ATG14: variants seen among roughly 807,000 people sequenced by gnomAD.
ATG14 encodes beclin 1-associated autophagy-related key regulator.
A neutral mutation model predicts 60.4 loss-of-function variants in ATG14; 35 were observed. The observed-to-expected ratio is 0.58, with a 90% CI of 0.44 to 0.77. ATG14 has a LOEUF of 0.77. Among genes scored for constraint, ATG14 ranks in the 30% least tolerant of loss-of-function variants. ATG14 has a pLI of 0.00. For synonymous variants in ATG14, 234 were observed against 228.8 expected (o/e 1.02, Z -0.21); for missense variants, 647 against 626.3 (o/e 1.03, Z -0.35).
rs1050632837 is a variant in ATG14, at chr14:55,400,766, T to C, written c.222-3332A>G. On this transcript the variant is annotated intron_variant, in intron 1 of 9. Coordinates refer to ENST00000247178, the MANE Select transcript of ATG14 (RefSeq NM_014924.5). ...AAAAATACAAAAAATTAGCCAGGTGTGGTGGCGGGCACCTGTAATCCCAGC... is the reference window on the plus strand; with the variant it reads ...AAAAATACAAAAAATTAGCCAGGTGCGGTGGCGGGCACCTGTAATCCCAGC... Among the ~76,000 whole-genome samples the C allele has an allele frequency of 1.3e-5, 2 of 152,014 alleles. 1 individual carries two copies. The highest frequency in any genetic ancestry group is 4.8e-5 in the African/African-American group (2 of 41,370).
chr14:55,394,846 G>A (rs1885286172), intron 3 of ATG14: 3 of 322,690 alleles, frequency 9.3e-6, no homozygotes, highest in South Asian at 8.1e-5. Context: ...ACTACGGAAT[G>A]CTAAGCTGAC....
At chr14:55,397,471 C>A (rs1284516516) in intron 1 of ATG14, 37 bp from the exon 2 acceptor site, 3 of 1,528,928 alleles carry the variant, frequency 2.0e-6, no homozygotes, top group South Asian at 2.3e-5. Flanking sequence ...TTTAAATGGT[C>A]ATTTTTTCAG....
At chr14:55,378,906 C>T (rs1186922420) in intron 7 of ATG14, among the ~76,000 whole-genome samples, 3 of 151,978 alleles carry the variant, frequency 2.0e-5, no homozygotes, top group East Asian at 3.9e-4. Flanking sequence ...CAAGGTCTCA[C>T]TATGTTTCCC....
In ATG14 at chr14:55,367,040, T is replaced by C. The variant is rs540409631; in HGVS notation, c.*2579A>G. 22 of 152,760 alleles carry C rather than the reference T, an allele frequency of 1.4e-4. No homozygotes were observed. Among genetic ancestry groups the C allele is most frequent in the African/African-American group, 4.8e-4 (20 of 41,586 alleles). The allele number at this position is 152,760 out of a possible 1,614,324, so 9.5% of individuals were successfully genotyped here. On this transcript the variant is annotated 3_prime_UTR_variant, in exon 10 of 10. Transcript: ENST00000247178. ...CTATGTAAAGTGCCTCTAGTTGATA[T>C]TAACAACAACAAACAAAATATATCC...
chr14:55,376,144 A>ACTTGTACTGG (rs1390254633), intron 9 of ATG14, among the ~76,000 whole-genome samples: 34 of 152,324 alleles, frequency 2.2e-4, no homozygotes, highest in African/African-American at 7.7e-4. Flanking sequence ...TGGCTCCACC[A>ACTTGTACTGG]CTTGTACTGG....
chr14:55,367,047 C>A lies in ATG14; in HGVS notation c.*2572G>T, dbSNP rs145552124. Reference sequence around the variant, plus strand: ...AAGTGCCTCTAGTTGATATTAACAACAACAAACAAAATATATCCTATCCAT... The same window carrying A: ...AAGTGCCTCTAGTTGATATTAACAAAAACAAACAAAATATATCCTATCCAT... On this transcript the variant is annotated 3_prime_UTR_variant, in exon 10 of 10. Transcript: ENST00000247178. 1 of 152,634 alleles carries A rather than the reference C, an allele frequency of 6.6e-6. No individual in the cohort carries two copies. Among genetic ancestry groups the A allele is most frequent in the African/African-American group, 2.4e-5 (1 of 41,460 alleles). 9.5% of individuals were successfully genotyped at this position (152,634 alleles called of 1,614,324 possible).
chr14:55,388,246 G>A (rs907827685), intron 4 of ATG14, among the ~76,000 whole-genome samples: 4 of 152,190 alleles, frequency 2.6e-5, no homozygotes, highest in African/African-American at 9.6e-5. Flanking sequence ...TCTTTACCAA[G>A]CTCTTTACAA....
At chr14:55,380,875 A>ATATATATATATTTTTTT (rs377330757) in intron 6 of ATG14, among the ~76,000 whole-genome samples, 185 bp from the exon 7 acceptor site, 7 of 112,730 alleles carry the variant, frequency 6.2e-5, no homozygotes, top group Non-Finnish European at 1.2e-4. Context: ...ATATATATAT[A>ATATATATATATTTTTTT]TTTTTTTTTT....
intron 9 of ATG14, among the ~76,000 whole-genome samples, chr14:55,371,730 A>G (rs187033366): frequency 8.6e-4 from 131 of 152,030 alleles, no homozygotes; most frequent in Non-Finnish European, 1.8e-3. Context: ...TGTGAACCCC[A>G]GAGGCGGAGC....
rs1018365393 is a variant in ATG14, at chr14:55,367,422, TAAA to T, written c.*2194_*2196del. 1 of 152,146 alleles carries T rather than the reference TAAA, an allele frequency of 6.6e-6. No homozygotes were observed. The highest frequency in any genetic ancestry group is 6.5e-5 in the Admixed American group (1 of 15,268). 9.4% of individuals were successfully genotyped at this position (152,146 alleles called of 1,614,324 possible). On this transcript the variant is annotated 3_prime_UTR_variant, in exon 10 of 10. Transcript: ENST00000247178. ...GCAATCAATCATGAAGCTGAGCACT[TAAA>T]ACAGAGATCCCAGCAGTGTAGAAGA...
chr14:55,389,862 T>C (rs1885184443), intron 4 of ATG14, among the ~76,000 whole-genome samples: 1 of 152,182 alleles, frequency 6.6e-6, no homozygotes, highest in Non-Finnish European at 1.5e-5. Context: ...GTAGGACTTC[T>C]AAGAGAATTC....
intron 7 of ATG14, among the ~76,000 whole-genome samples, chr14:55,378,723 G>A (rs1884969286): frequency 1.3e-5 from 2 of 151,872 alleles, no homozygotes; most frequent in African/African-American, 4.8e-5. Flanking sequence ...TTTTTAGGCA[G>A]GGTCTCACTC....
intron 9 of ATG14, among the ~76,000 whole-genome samples, chr14:55,375,923 T>G (rs1884911124): frequency 1.3e-5 from 2 of 152,230 alleles, no homozygotes; most frequent in Non-Finnish European, 2.9e-5. Flanking sequence ...TTATGATAGA[T>G]ATCCACTAGT....
chr14:55,377,770 A>G (rs777050431), intron 9 of ATG14, 49 bp downstream of exon 9: 1 of 1,387,790 alleles, frequency 7.2e-7, no homozygotes, highest in Admixed American at 2.2e-5. Context: ...CAACTCCTCT[A>G]ACAGGATTCA....
At chr14:55,389,648 G>A (rs1401862740) in intron 4 of ATG14, among the ~76,000 whole-genome samples, 1 of 152,118 alleles carries the variant, frequency 6.6e-6, no homozygotes, top group Non-Finnish European at 1.5e-5. Context: ...GCTTGCTGCC[G>A]GCACTCATTT....
chr14:55,411,694 G>C lies in ATG14; in HGVS notation c.129C>G (p.Cys43Trp), dbSNP rs758258193. ...AEGLYVAVER[C>W]PLCNTTRRRL... The stretch of plus-strand genomic sequence containing the variant: ...GCCGGCGGGTAGTGTTGCACAGCGG[G>C]CAGCGCTCCACAGCCACGTACAGCC... The change falls in exon 1 of 10, where the codon TGC (cysteine) becomes TGG (tryptophan). Residue 43 changes from cysteine (C) to tryptophan (W), a missense_variant. Physicochemically the swap from Cys to Trp is radical, Grantham distance 215. Coordinates refer to ENST00000247178, the MANE Select transcript of ATG14 (RefSeq NM_014924.5). 1 of 1,613,148 alleles carries C rather than the reference G, an allele frequency of 6.2e-7. No homozygotes were observed. The highest frequency in any genetic ancestry group is 8.5e-7 in the Non-Finnish European group (1 of 1,179,808).
intron 1 of ATG14, among the ~76,000 whole-genome samples, chr14:55,405,409 T>C (rs1215043802): frequency 2.0e-5 from 3 of 152,252 alleles, no homozygotes; most frequent in African/African-American, 7.2e-5. Context: ...TCATATATTC[T>C]AAAACTTGTC....
chr14:55,407,849 C>T (rs918310127), intron 1 of ATG14, among the ~76,000 whole-genome samples: 17 of 152,144 alleles, frequency 1.1e-4, no homozygotes, highest in African/African-American at 3.1e-4. Context: ...AAGGCCTCAC[C>T]GAAGAAGTGG....
At chr14:55,387,033 T>C (rs534131857) in intron 4 of ATG14, among the ~76,000 whole-genome samples, 2 of 152,202 alleles carry the variant, frequency 1.3e-5, no homozygotes, top group African/African-American at 4.8e-5. Context: ...TATCTAGGCC[T>C]TTCTTTTCAT....
Sources: gnomAD v4.1 joint callset for allele counts (sites outside exome capture counted in the v4.1 genomes callset) on GRCh38, gnomAD v4.1.1 for gene constraint, MANE v1.5 for transcripts, NCBI Gene and HGNC (gene_info 2026-07-23, HGNC 2026-07-21) for gene names.